Variants in GRIP1 observed in about 807,000 individuals in gnomAD.
GRIP1 encodes the protein glutamate receptor-interacting protein 1.
In GRIP1, 45 loss-of-function variants were observed where a neutral mutation model predicts 129.9. That is an observed-to-expected ratio of 0.35 (90% CI 0.27 to 0.44). The LOEUF is 0.44. Ranked by LOEUF, GRIP1 falls within the 20% of genes least tolerant of loss-of-function variation. The pLI is 1.00. For synonymous variants in GRIP1, 530 were observed against 520.8 expected (o/e 1.02, Z -0.24); for missense variants, 1,196 against 1,396.8 (o/e 0.86, Z 2.29).
At chr12:66,932,491 T>C (rs1431460056) in intron 1 of GRIP1, among the ~76,000 whole-genome samples, 1 of 152,140 alleles carries the variant, frequency 6.6e-6, no homozygotes, top group African/African-American at 2.4e-5. Flanking sequence ...AAGTATTTGT[T>C]GAGGGCTCCT....
At chr12:66,664,242 C>T (rs562336230) in intron 1 of GRIP1, among the ~76,000 whole-genome samples, 49 of 152,254 alleles carry the variant, frequency 3.2e-4, no homozygotes, top group Middle Eastern at 3.4e-3. Context: ...AATCAATATG[C>T]TCAGACTCTA....
chr12:67,059,605 G>A (rs935111887), intron 1 of GRIP1, among the ~76,000 whole-genome samples: 74 of 152,316 alleles, frequency 4.9e-4, no homozygotes, highest in African/African-American at 1.7e-3. Flanking sequence ...GTTCTTAATT[G>A]ACAAGATCTA....
chr12:66,545,291 A>G (rs1481300212), intron 2 of GRIP1, among the ~76,000 whole-genome samples: 2 of 152,320 alleles, frequency 1.3e-5, no homozygotes, highest in East Asian at 1.9e-4. Context: ...TTGTAATTCA[A>G]TCTTTTTAAT....
intron 5 of GRIP1, among the ~76,000 whole-genome samples, chr12:66,524,892 C>G (rs2061166324): frequency 6.6e-6 from 1 of 152,186 alleles, no homozygotes; most frequent in South Asian, 2.1e-4. Flanking sequence ...TCAGAGAATA[C>G]TACAAATACC....
chr12:66,366,242 A>C (rs186577532), intron 23 of GRIP1, among the ~76,000 whole-genome samples: 4 of 152,354 alleles, frequency 2.6e-5, no homozygotes, highest in Admixed American at 1.3e-4. Flanking sequence ...AAGCATGTGC[A>C]AGAATAAGAT....
chr12:66,356,288 C>T (rs1277457145), intron 23 of GRIP1, among the ~76,000 whole-genome samples: 3 of 152,166 alleles, frequency 2.0e-5, no homozygotes, highest in Non-Finnish European at 4.4e-5. Context: ...AATGAAAGCT[C>T]AAAGAGAAAT....
chr12:66,562,581 C>T (rs1391228276), intron 2 of GRIP1, among the ~76,000 whole-genome samples: 1 of 152,160 alleles, frequency 6.6e-6, no homozygotes, highest in East Asian at 1.9e-4. Context: ...CATTTCCCAA[C>T]ACGATTTTAA....
At chr12:66,635,684 T>C (rs2031291603) in intron 1 of GRIP1, among the ~76,000 whole-genome samples, 1 of 151,774 alleles carries the variant, frequency 6.6e-6, no homozygotes, top group Non-Finnish European at 1.5e-5. Context: ...TTGCAACACA[T>C]AAAAGAAACA....
At chr12:66,737,371 C>T (rs148721365) in intron 1 of GRIP1, among the ~76,000 whole-genome samples, 1 of 152,254 alleles carries the variant, frequency 6.6e-6, no homozygotes, top group African/African-American at 2.4e-5. Context: ...GCAACCTCCG[C>T]CTCCCAGGTT....
intron 7 of GRIP1, among the ~76,000 whole-genome samples, chr12:66,468,874 G>T (rs551608290): frequency 6.6e-6 from 1 of 152,172 alleles, no homozygotes; most frequent in East Asian, 1.9e-4. Flanking sequence ...GTGTGAGAGA[G>T]AGCATCCACA....
At chr12:66,933,371 T>C (rs536791326) in intron 1 of GRIP1, among the ~76,000 whole-genome samples, 1 of 152,342 alleles carries the variant, frequency 6.6e-6, no homozygotes, top group African/African-American at 2.4e-5. Context: ...AATTGTCTTA[T>C]ATGGAAACCA....
intron 23 of GRIP1, among the ~76,000 whole-genome samples, chr12:66,363,219 A>ATATATATATATATATATATATG (rs1285882958): frequency 7.5e-6 from 1 of 132,936 alleles, no homozygotes; most frequent in Non-Finnish European, 1.6e-5. Context: ...ATATATATAT[A>ATATATATATATATATATATATG]TATATATATA....
intron 1 of GRIP1, among the ~76,000 whole-genome samples, chr12:67,011,412 G>A (rs2042705551): frequency 6.6e-6 from 1 of 152,116 alleles, no homozygotes; most frequent in South Asian, 2.1e-4. Flanking sequence ...GGAAAAGAAC[G>A]CTGTTTTTAG....
chr12:66,410,646 CA>C, intron 15 of GRIP1, among the ~76,000 whole-genome samples: 1 of 95,298 alleles, frequency 1.0e-5, no homozygotes, highest in East Asian at 2.5e-4. Context: ...TGTCTCAAAA[CA>C]AACAAACAAA....
At chr12:66,358,186 C>A (rs950604746) in intron 23 of GRIP1, among the ~76,000 whole-genome samples, 5 of 152,196 alleles carry the variant, frequency 3.3e-5, no homozygotes, top group Admixed American at 3.3e-4. Flanking sequence ...TAAGCCACCA[C>A]GCCCAGCCTA....
intron 1 of GRIP1, among the ~76,000 whole-genome samples, chr12:66,836,606 T>C (rs1489005535): frequency 6.6e-6 from 1 of 152,200 alleles, no homozygotes. Context: ...GGCTTACACA[T>C]ATCTTTTAAC....
rs561232686 is a variant in GRIP1 at position 67,000,307 on chromosome 12, C to T, written c.58+68743G>A. ...ATATCACATAAAAATCAAAGAATAC[C>T]ATGTTTCTATGAAACAGATCATGTT... On this transcript the variant is annotated intron_variant, in intron 1 of 1. Transcript: ENST00000643019. Among the ~76,000 whole-genome samples the T allele has an allele frequency of 5.3e-5, 8 of 152,036 alleles. 1 individual carries two copies. The South Asian group carries it at 1.7e-3, about 32-fold the overall frequency.
chr12:66,696,935 G>A (rs2035186876), intron 1 of GRIP1, among the ~76,000 whole-genome samples: 1 of 151,802 alleles, frequency 6.6e-6, no homozygotes. Context: ...ATAAATGACT[G>A]AATGTTCTAC....
intron 1 of GRIP1, among the ~76,000 whole-genome samples, chr12:66,798,500 C>G (rs1566028090): frequency 6.6e-6 from 1 of 152,032 alleles, no homozygotes. Context: ...AGTAACTTGC[C>G]TTGTCTGGAA....
Sources: allele counts gnomAD v4.1 joint callset (sites outside exome capture counted in the v4.1 genomes callset), GRCh38; gene constraint gnomAD v4.1.1; transcripts MANE v1.5; gene names NCBI Gene and HGNC (gene_info 2026-07-23, HGNC 2026-07-21).